The following SLC24A2 variants were observed in gnomAD, a reference collection of about 807,000 sequenced individuals.
SLC24A2 encodes the protein solute carrier family 24 member 2.
SLC24A2 carries 36 observed loss-of-function variants against 62.0 expected under a neutral mutation model. The ratio of observed to expected loss-of-function variants is 0.58; its 90% CI spans 0.44 to 0.77. The LOEUF is 0.77. SLC24A2 is among the 30% of genes least tolerant of loss of function. The pLI is 0.00. For missense variants in SLC24A2, 846 were observed against 817.9 expected (o/e 1.03, Z -0.42); for synonymous variants, 358 against 294.0 (o/e 1.22, Z -2.23).
the SLC24A2 span, among the ~76,000 whole-genome samples, chr9:19,969,928 G>A: frequency 3.3e-5 from 5 of 152,178 alleles, no homozygotes; most frequent in African/African-American, 1.2e-4. Context: ...GTGCAAGAGT[G>A]TGAGTCAGTG....
At chr9:19,834,350 C>G in the SLC24A2 span, among the ~76,000 whole-genome samples, 1 of 152,096 alleles carries the variant, frequency 6.6e-6, no homozygotes, top group South Asian at 2.1e-4. Flanking sequence ...GAATGGATAA[C>G]TAGAATAACC....
chr9:19,517,930 C>T (rs1833008462), intron 10 of SLC24A2, among the ~76,000 whole-genome samples: 2 of 146,528 alleles, frequency 1.4e-5, no homozygotes, highest in African/African-American at 5.0e-5. Context: ...CACACACACA[C>T]ACACACACAC....
chr9:20,086,164 C>T, the SLC24A2 span, among the ~76,000 whole-genome samples: 1 of 152,144 alleles, frequency 6.6e-6, no homozygotes, highest in Non-Finnish European at 1.5e-5. Flanking sequence ...ATAATGGCAG[C>T]CTTTGAACAT....
chr9:20,078,153 A>G, the SLC24A2 span, among the ~76,000 whole-genome samples: 5 of 152,110 alleles, frequency 3.3e-5, no homozygotes, highest in African/African-American at 1.2e-4. Context: ...TTCTTGGAAG[A>G]GCACCAACGC....
At chr9:20,043,775 T>C in the SLC24A2 span, among the ~76,000 whole-genome samples, 1 of 152,228 alleles carries the variant, frequency 6.6e-6, no homozygotes, top group Admixed American at 6.5e-5. Flanking sequence ...AGATGCAATA[T>C]GCTTCTGATG....
chr9:20,014,495 G>GATATATATATATATATATAT, the SLC24A2 span, among the ~76,000 whole-genome samples: 5 of 140,740 alleles, frequency 3.6e-5, no homozygotes, highest in African/African-American at 1.1e-4. Flanking sequence ...AGAAAAATGT[G>GATATATATATATATATATAT]ATATATATAT....
intron 5 of SLC24A2, among the ~76,000 whole-genome samples, chr9:19,588,084 C>G (rs1237254954): frequency 2.6e-5 from 4 of 152,090 alleles, no homozygotes. Context: ...TGCTGTCTTC[C>G]TAAGATCCAG....
At chr9:19,828,366 T>C in the SLC24A2 span, among the ~76,000 whole-genome samples, 1 of 152,218 alleles carries the variant, frequency 6.6e-6, no homozygotes, top group Non-Finnish European at 1.5e-5. Context: ...GGTTACACAT[T>C]GTGTGCCTGT....
intron 2 of SLC24A2, among the ~76,000 whole-genome samples, chr9:19,626,828 T>G (rs1207972787): frequency 1.3e-5 from 2 of 152,166 alleles, no homozygotes; most frequent in Non-Finnish European, 2.9e-5. Context: ...ATTCAAAATG[T>G]CTCTCCTTGT....
chr9:19,911,667 A>G, the SLC24A2 span, among the ~76,000 whole-genome samples: 1 of 152,158 alleles, frequency 6.6e-6, no homozygotes, highest in Non-Finnish European at 1.5e-5. Flanking sequence ...GTTTTATCCT[A>G]AAGTGTCATT....
the SLC24A2 span, among the ~76,000 whole-genome samples, chr9:19,888,671 C>G: frequency 1.3e-5 from 2 of 152,092 alleles, no homozygotes; most frequent in East Asian, 1.9e-4. Flanking sequence ...TTACCGCTTT[C>G]TAATGTATGA....
At chr9:19,712,706 G>A (rs1820749183) in intron 2 of SLC24A2, among the ~76,000 whole-genome samples, 1 of 152,138 alleles carries the variant, frequency 6.6e-6, no homozygotes, top group Non-Finnish European at 1.5e-5. Context: ...CTCATGGCCT[G>A]TTGTGTTTAT....
the SLC24A2 span, among the ~76,000 whole-genome samples, chr9:20,039,747 A>G: frequency 5.9e-5 from 9 of 152,152 alleles, no homozygotes; most frequent in Non-Finnish European, 4.4e-5. Flanking sequence ...GGTAGGAACC[A>G]AGTCACAGAA....
chr9:20,306,831 G>A, the SLC24A2 span, among the ~76,000 whole-genome samples: 1 of 152,128 alleles, frequency 6.6e-6, no homozygotes, highest in Non-Finnish European at 1.5e-5. Flanking sequence ...CAAGTAGCTG[G>A]GATTACAGGT....
the SLC24A2 span, among the ~76,000 whole-genome samples, chr9:20,264,758 T>C: frequency 2.0e-5 from 3 of 152,260 alleles, no homozygotes; most frequent in African/African-American, 7.2e-5. Flanking sequence ...GCTAAACTTT[T>C]TGTTTTATAG....
intron 2 of SLC24A2, among the ~76,000 whole-genome samples, chr9:19,724,576 T>A (rs373873571): frequency 1.3e-5 from 2 of 152,182 alleles, no homozygotes; most frequent in East Asian, 3.8e-4. Context: ...ATACAAGGTC[T>A]GATATTTTAC....
chr9:20,303,546 T>A, the SLC24A2 span, among the ~76,000 whole-genome samples: 2 of 152,178 alleles, frequency 1.3e-5, no homozygotes. Flanking sequence ...CAAAAGATGA[T>A]AGCCCCCAGC....
chr9:20,158,192 A>G, the SLC24A2 span, among the ~76,000 whole-genome samples: 1 of 151,714 alleles, frequency 6.6e-6, no homozygotes, highest in South Asian at 2.1e-4. Flanking sequence ...CTGAATAAAA[A>G]GACAAAACCA....
chr9:20,243,548 A>G, the SLC24A2 span, among the ~76,000 whole-genome samples: 7 of 152,282 alleles, frequency 4.6e-5, no homozygotes, highest in East Asian at 1.3e-3. Context: ...ATCTGAGATC[A>G]TTTTACTAGC....
Sources: allele counts gnomAD v4.1 joint callset (sites outside exome capture counted in the v4.1 genomes callset), GRCh38; gene constraint gnomAD v4.1.1; transcripts MANE v1.5; gene names NCBI Gene and HGNC (gene_info 2026-07-23, HGNC 2026-07-21).